The following PCBP2 variants were observed in gnomAD, a reference collection of about 807,000 sequenced individuals.
PCBP2 encodes poly(rC) binding protein 2.
In PCBP2, 4 loss-of-function variants were observed where a neutral mutation model predicts 50.1. The ratio of observed to expected loss-of-function variants is 0.08; its 90% CI spans 0.04 to 0.18. The LOEUF (loss-of-function observed/expected upper bound fraction) is 0.18, where lower values mean the gene tolerates loss of function less well. PCBP2 is among the 10% of genes least tolerant of loss of function. PCBP2 has a pLI of 1.00. For missense variants in PCBP2, 161 were observed against 474.3 expected (o/e 0.34, Z 6.14); for synonymous variants, 179 against 168.0 (o/e 1.07, Z -0.51).
chr12:53,458,805 A>G (rs1416377338), intron 5 of PCBP2, among the ~76,000 whole-genome samples: 1 of 151,156 alleles, frequency 6.6e-6, no homozygotes, highest in African/African-American at 2.4e-5. Context: ...TGCTTAGCTA[A>G]TTTTTGTATT....
intron 14 of PCBP2, among the ~76,000 whole-genome samples, chr12:53,477,253 T>C (rs1319391699): frequency 2.0e-5 from 3 of 152,190 alleles, no homozygotes. Flanking sequence ...TAATGGTATC[T>C]AGCAGTTCCT....
intron 8 of PCBP2, 118 bp from the exon 9 acceptor site, chr12:53,464,642 A>G: frequency 7.3e-7 from 1 of 1,361,016 alleles, no homozygotes; most frequent in Non-Finnish European, 9.9e-7. Context: ...ATTGTGTCTG[A>G]GCTCCTTTTT....
intron 13 of PCBP2, among the ~76,000 whole-genome samples, chr12:53,469,793 G>A (rs1432605694): frequency 1.9e-5 from 2 of 105,854 alleles, no homozygotes; most frequent in Admixed American, 2.7e-4. Context: ...ACGGCATCTT[G>A]CTCTGTTTCC....
Position 53,464,860 on chromosome 12 carries a change from G to A in PCBP2, c.672+8G>A, listed in dbSNP as rs958590819. On this transcript the variant is annotated splice_region_variant and intron_variant, in intron 9 of 14. Transcript: ENST00000546463. ...GAGGGACCACCTCTAGAGGTGAGAGGGGATGTTCAGTCTCCAAGGCTCACT... is the reference window on the plus strand; with the variant it reads ...GAGGGACCACCTCTAGAGGTGAGAGAGGATGTTCAGTCTCCAAGGCTCACT... 6.3e-7 allele frequency: 1 copy of A among 1,596,096 alleles called. No individual in the cohort carries two copies. The highest frequency in any genetic ancestry group is 8.5e-7 in the Non-Finnish European group (1 of 1,174,196).
In PCBP2 at chr12:53,471,802, T is replaced by C; in HGVS notation, c.1047T>C (p.Asn349=). The part of the protein sequence containing the change: ...ASISLAQYLI[N]VRLSSETGGM... The stretch of plus-strand genomic sequence containing the variant: ...TTAGCCTGGCTCAATATCTAATCAA[T>C]GTCAGGTAAGATTGCTCTACCTTTT... The change falls in exon 14 of 15, where the codon AAT becomes AAC. Residue 349 remains asparagine, a synonymous_variant. Coordinates refer to ENST00000546463, the MANE Select transcript of PCBP2 (RefSeq NM_031989.5). 1.9e-6 allele frequency: 3 copies of C among 1,611,584 alleles called. No individual in the cohort carries two copies. Among genetic ancestry groups the C allele is most frequent in the Non-Finnish European group, 2.5e-6 (3 of 1,179,334 alleles).
At chr12:53,473,911 T>C (rs1397579443) in intron 14 of PCBP2, among the ~76,000 whole-genome samples, 1 of 152,196 alleles carries the variant, frequency 6.6e-6, no homozygotes, top group Non-Finnish European at 1.5e-5. Context: ...CTTTATGGAT[T>C]GCAGCTGTCC....
chr12:53,479,180 A>G (rs561264896), intron 14 of PCBP2, among the ~76,000 whole-genome samples: 3 of 152,330 alleles, frequency 2.0e-5, no homozygotes, highest in Non-Finnish European at 2.9e-5. Flanking sequence ...TTTGAGGGAC[A>G]TTGGATAACA....
chr12:53,458,895 T>C (rs1941243385), intron 5 of PCBP2, among the ~76,000 whole-genome samples: 1 of 152,072 alleles, frequency 6.6e-6, no homozygotes, highest in Non-Finnish European at 1.5e-5. Context: ...CTGCTTCAGC[T>C]TCCCAAAGTG....
intron 5 of PCBP2, among the ~76,000 whole-genome samples, chr12:53,457,055 CT>C (rs1239227807): frequency 3.3e-5 from 5 of 150,368 alleles, no homozygotes; most frequent in South Asian, 2.1e-4. Flanking sequence ...TAGTATTTAA[CT>C]TTTTTTTTTC....
chr12:53,467,029 TA>T lies in PCBP2; in HGVS notation c.715-191del, dbSNP rs560324181. Among the ~76,000 whole-genome samples, 113 of 152,276 alleles carry T rather than the reference TA, an allele frequency of 7.4e-4. 3 individuals carry two copies. The South Asian group carries it at 0.023, about 30-fold the overall frequency. ...TTCATTCTCTTCCAGGCACCCATTC[TA>T]TTTCTAACCCTTACCCTTCATATTC... is the stretch of plus-strand genomic sequence containing the variant. On this transcript the variant is annotated intron_variant, in intron 10 of 14. Coordinates refer to ENST00000546463, the MANE Select transcript of PCBP2 (RefSeq NM_031989.5).
chr12:53,462,755 A>G (rs1442510605), intron 8 of PCBP2, among the ~76,000 whole-genome samples, 188 bp downstream of exon 8: 1 of 152,158 alleles, frequency 6.6e-6, no homozygotes, highest in Non-Finnish European at 1.5e-5. Flanking sequence ...CAGGCAATGG[A>G]AGTTTTGTAG....
At chr12:53,462,163 A>C (rs904864311) in intron 7 of PCBP2, among the ~76,000 whole-genome samples, 1 of 152,242 alleles carries the variant, frequency 6.6e-6, no homozygotes, top group Non-Finnish European at 1.5e-5. Flanking sequence ...AATGTGAGAT[A>C]CTAAAAATTA....
intron 13 of PCBP2, among the ~76,000 whole-genome samples, chr12:53,470,270 A>G (rs1942116375): frequency 6.6e-6 from 1 of 150,926 alleles, no homozygotes; most frequent in Non-Finnish European, 1.5e-5. Context: ...CCCATTACTC[A>G]GAAGGCTGAG....
At chr12:53,454,161 C>T (rs1940811138) in intron 1 of PCBP2, among the ~76,000 whole-genome samples, 1 of 152,192 alleles carries the variant, frequency 6.6e-6, no homozygotes, top group Admixed American at 6.5e-5. Context: ...AATGCCTTTT[C>T]AGTGAGGGTG....
intron 6 of PCBP2, chr12:53,460,794 T>A: frequency 2.4e-6 from 1 of 414,104 alleles, no homozygotes; most frequent in South Asian, 2.8e-5. Context: ...TTTAGGCTGT[T>A]ATTCACGCTT....
chr12:53,462,655 A>G, intron 8 of PCBP2, 88 bp downstream of exon 8: 1 of 1,031,598 alleles, frequency 9.7e-7, no homozygotes, highest in Non-Finnish European at 1.5e-6. Flanking sequence ...GCCACTCTGC[A>G]TGCTTGCTGA....
chr12:53,472,123 C>CT (rs756834946), intron 14 of PCBP2, among the ~76,000 whole-genome samples: 8 of 152,046 alleles, frequency 5.3e-5, no homozygotes, highest in Non-Finnish European at 1.2e-4. Flanking sequence ...ATGTGGGTCT[C>CT]TCTTGTTCTA....
chr12:53,479,402 A>G lies in PCBP2; in HGVS notation c.1053-4A>G. ...CTAACTGAGTTCTTGTTTCTGTGTT[A>G]CAGGCTTTCCTCGGAGACGGGTGGC... On this transcript the variant is annotated splice_polypyrimidine_tract_variant and splice_region_variant and intron_variant, in intron 14 of 14. Transcript: ENST00000546463. The G allele has an allele frequency of 1.9e-6, 3 of 1,613,968 alleles. No homozygotes were observed. Among genetic ancestry groups the G allele is most frequent in the Non-Finnish European group, 2.5e-6 (3 of 1,179,810 alleles).
intron 13 of PCBP2, among the ~76,000 whole-genome samples, chr12:53,471,080 CAG>C (rs1365124371): frequency 6.6e-6 from 1 of 151,904 alleles, no homozygotes; most frequent in Non-Finnish European, 1.5e-5. Flanking sequence ...CATGGGTGGT[CAG>C]ACTGAAAAAT....
Sources: allele counts gnomAD v4.1 joint callset (sites outside exome capture counted in the v4.1 genomes callset), GRCh38; gene constraint gnomAD v4.1.1; transcripts MANE v1.5; gene names NCBI Gene and HGNC (gene_info 2026-07-23, HGNC 2026-07-21).